Variants in GNAQ observed in about 807,000 individuals in gnomAD.
GNAQ encodes G protein subunit alpha q, also known as guanine nucleotide-binding protein G(q) subunit alpha.
GNAQ carries 8 observed loss-of-function variants against 43.9 expected under a neutral mutation model. That is an observed-to-expected ratio of 0.18 (90% CI 0.11 to 0.33). The LOEUF (loss-of-function observed/expected upper bound fraction) is 0.33, where lower values mean the gene tolerates loss of function less well. GNAQ is among the 10% of genes least tolerant of loss of function. The probability of loss-of-function intolerance (pLI) is 1.00; values close to 1 mark genes in which losing one functional copy is unlikely to be tolerated. For missense variants in GNAQ, 158 were observed against 450.8 expected, an observed-to-expected ratio of 0.35 and a Z score of 5.88; for synonymous variants, 155 against 170.7, an observed-to-expected ratio of 0.91 and a Z score of 0.71.
At chr9:77,734,759 A>G (rs1480368631) in intron 5 of GNAQ, among the ~76,000 whole-genome samples, 2 of 152,222 alleles carry the variant, frequency 1.3e-5, no homozygotes, top group Admixed American at 6.5e-5. Context: ...GTGTCCCCTA[A>G]GCTTTCTGCT....
intron 5 of GNAQ, among the ~76,000 whole-genome samples, chr9:77,759,630 C>T (rs1825957636): frequency 1.3e-5 from 2 of 152,124 alleles, no homozygotes; most frequent in Admixed American, 1.3e-4. Flanking sequence ...ATGCTCTCCT[C>T]CTTCAATACG....
In GNAQ at chr9:77,886,268, C is replaced by A. The variant is rs11145605; in HGVS notation, c.321+35893G>T. ...GGTTACAGGTGTGAGCCACCACGCC[C>A]GGTCACAGCCATTTTTTAATTTGTA... is the stretch of plus-strand genomic sequence containing the variant. On this transcript the variant is annotated intron_variant, in intron 2 of 6. Transcript: ENST00000286548. Among the ~76,000 whole-genome samples, 933 of 152,078 alleles carry A rather than the reference C, an allele frequency of 6.1e-3. 9 individuals are homozygous for A. Among genetic ancestry groups the A allele is most frequent in the African/African-American group, 0.02 (842 of 41,472 alleles).
At chr9:77,875,781 A>G (rs1427648186) in intron 2 of GNAQ, among the ~76,000 whole-genome samples, 13 of 152,236 alleles carry the variant, frequency 8.5e-5, no homozygotes, top group African/African-American at 2.7e-4. Context: ...GTCAAATGAA[A>G]TAAGAATCTT....
intron 1 of GNAQ, among the ~76,000 whole-genome samples, chr9:77,964,552 C>T (rs920786190): frequency 1.3e-5 from 2 of 152,080 alleles, no homozygotes; most frequent in Non-Finnish European, 2.9e-5. Context: ...TAAAACCAGT[C>T]TCAATAAATT....
chr9:77,822,063 G>C (rs1490706709), intron 2 of GNAQ, among the ~76,000 whole-genome samples: 1 of 152,174 alleles, frequency 6.6e-6, no homozygotes, highest in Non-Finnish European at 1.5e-5. Context: ...TAGTCAAACA[G>C]AGGTCTGTGC....
At chr9:77,745,872 C>T (rs943397325) in intron 5 of GNAQ, among the ~76,000 whole-genome samples, 2 of 151,888 alleles carry the variant, frequency 1.3e-5, no homozygotes, top group African/African-American at 4.8e-5. Flanking sequence ...ATGAGCATTT[C>T]TTGGAATCAA....
At chr9:78,019,136 C>T (rs554601307) in intron 1 of GNAQ, among the ~76,000 whole-genome samples, 4 of 152,328 alleles carry the variant, frequency 2.6e-5, no homozygotes, top group African/African-American at 7.2e-5. Context: ...TAAAATGCCA[C>T]TCTTTACCAA....
In GNAQ at chr9:77,987,751, C is replaced by T. The variant is rs144865591; in HGVS notation, c.136+43349G>A. On this transcript the variant is annotated intron_variant, in intron 1 of 6. Transcript: ENST00000286548. ...ACAGTACATAAAATATGGAAAACAGCTGGGCACAGTGGCATCCACCTGCAG... is the reference window on the plus strand; with the variant it reads ...ACAGTACATAAAATATGGAAAACAGTTGGGCACAGTGGCATCCACCTGCAG... 7.7e-3 allele frequency among the ~76,000 whole-genome samples: 1,179 copies of T among 152,254 alleles called. 23 individuals carry two copies. The highest frequency in any genetic ancestry group is 0.026 in the African/African-American group (1,097 of 41,550).
At chr9:77,894,678 C>T (rs897865605) in intron 2 of GNAQ, among the ~76,000 whole-genome samples, 5 of 151,394 alleles carry the variant, frequency 3.3e-5, no homozygotes, top group Non-Finnish European at 7.4e-5. Flanking sequence ...GCCTCAGCCT[C>T]CCAAAGTGCT....
intron 2 of GNAQ, among the ~76,000 whole-genome samples, chr9:77,874,285 C>A (rs1166852011): frequency 1.3e-5 from 2 of 152,066 alleles, no homozygotes; most frequent in African/African-American, 4.8e-5. Flanking sequence ...TAAAACGAGT[C>A]TTTCCTCCTG....
At chr9:77,819,413 G>A (rs1827075687) in intron 2 of GNAQ, among the ~76,000 whole-genome samples, 1 of 152,198 alleles carries the variant, frequency 6.6e-6, no homozygotes, top group Non-Finnish European at 1.5e-5. Flanking sequence ...GCCCACAGCA[G>A]GCCAAGCCTT....
intron 2 of GNAQ, among the ~76,000 whole-genome samples, chr9:77,827,180 T>C (rs1360245565): frequency 1.3e-5 from 2 of 152,026 alleles, no homozygotes; most frequent in East Asian, 1.9e-4. Context: ...AATCTCAATG[T>C]TGAGTTTTTA....
intron 5 of GNAQ, among the ~76,000 whole-genome samples, chr9:77,779,680 CAAAAA>C (rs58014303): frequency 6.3e-5 from 6 of 95,932 alleles, no homozygotes; most frequent in African/African-American, 2.5e-4. Flanking sequence ...AAAAACAAAA[CAAAAA>C]AAAAAAAAAA....
intron 5 of GNAQ, among the ~76,000 whole-genome samples, chr9:77,770,805 G>GT (rs1826211621): frequency 6.6e-6 from 1 of 152,140 alleles, no homozygotes; most frequent in Admixed American, 6.5e-5. Context: ...TATATGTTTT[G>GT]TATCTGTGCC....
intron 2 of GNAQ, among the ~76,000 whole-genome samples, chr9:77,895,483 G>T (rs1828484762): frequency 6.6e-6 from 1 of 152,162 alleles, no homozygotes; most frequent in Non-Finnish European, 1.5e-5. Flanking sequence ...ATGGTTAGAG[G>T]AAGCCTCAGA....
intron 5 of GNAQ, among the ~76,000 whole-genome samples, chr9:77,738,445 T>C (rs1303307767): frequency 2.0e-5 from 3 of 152,208 alleles, no homozygotes; most frequent in African/African-American, 7.2e-5. Context: ...ATAAAATTAA[T>C]ATGTGGTCAT....
chr9:78,016,784 T>C (rs1823844686), intron 1 of GNAQ, among the ~76,000 whole-genome samples: 1 of 152,188 alleles, frequency 6.6e-6, no homozygotes, highest in Admixed American at 6.5e-5. Flanking sequence ...TTTGTAGGCA[T>C]GTTTTGTAAT....
chr9:77,771,008 C>CCT (rs1826214938), intron 5 of GNAQ, among the ~76,000 whole-genome samples: 1 of 152,042 alleles, frequency 6.6e-6, no homozygotes. Flanking sequence ...CCAGTTCTTA[C>CCT]ATAGTTTTTA....
At chr9:77,972,335 G>C (rs1295127000) in intron 1 of GNAQ, among the ~76,000 whole-genome samples, 2 of 152,156 alleles carry the variant, frequency 1.3e-5, no homozygotes, top group Non-Finnish European at 2.9e-5. Flanking sequence ...GGACACAACA[G>C]TGAGTAAAAA....
Sources: gnomAD v4.1 joint callset for allele counts (sites outside exome capture counted in the v4.1 genomes callset) on GRCh38, gnomAD v4.1.1 for gene constraint, MANE v1.5 for transcripts, NCBI Gene and HGNC (gene_info 2026-07-23, HGNC 2026-07-21) for gene names.